COL6A3: variants seen among roughly 807,000 people sequenced by gnomAD.
The protein encoded by COL6A3 is collagen alpha-3(VI) chain.
COL6A3 carries 137 observed loss-of-function variants against 274.1 expected under a neutral mutation model. That is an observed-to-expected ratio of 0.50 (90% CI 0.44 to 0.58). COL6A3 has a LOEUF of 0.58. Ranked by LOEUF, COL6A3 falls within the 20% of genes least tolerant of loss-of-function variation. COL6A3 has a pLI of 0.00. For synonymous variants in COL6A3, 1,650 were observed against 1,650.6 expected (o/e 1.00, Z 0.01); for missense variants, 3,950 against 4,124.9 (o/e 0.96, Z 1.16).
In COL6A3 at chr2:237,336,661, A is replaced by G; in HGVS notation, c.8568-129T>C. The G allele has an allele frequency of 5.9e-6, 5 of 848,002 alleles. No homozygotes were observed. In the South Asian group the frequency reaches 6.9e-5, roughly 12 times the overall value. 52.5% of individuals were successfully genotyped at this position (848,002 alleles called of 1,614,324 possible). On this transcript the variant is annotated intron_variant, in intron 39 of 43. Coordinates refer to ENST00000295550, the MANE Select transcript of COL6A3 (RefSeq NM_004369.4). ...GCAATAGTTTTTATAGATTATGTAT[A>G]GCAGTGCATATATTAAATTCCTTCT... is the stretch of plus-strand genomic sequence containing the variant.
At position 237,388,169 on chromosome 2, in the gene COL6A3, T is replaced by C. The variant is rs769303411; in HGVS notation, c.725A>G (p.Asp242Gly). The C allele has an allele frequency of 1.2e-6, 2 of 1,614,078 alleles. No individual in the cohort carries two copies. Among genetic ancestry groups the C allele is most frequent in the Middle Eastern group, 1.6e-4 (1 of 6,062 alleles). The change falls in exon 4 of 44, where the codon GAC (aspartate) becomes GGC (glycine). Residue 242 changes from aspartate (D) to glycine (G), a missense_variant. By Grantham distance (94) the Asp-to-Gly change is moderately conservative. Coordinates refer to ENST00000295550, the MANE Select transcript of COL6A3 (RefSeq NM_004369.4). ...TGATCCATCAATAAGGAAAATAATG[T>C]CAGCAGAGTCTTGTGCTTTAAAAGA... is the stretch of plus-strand genomic sequence containing the variant. ...LKDITAQDSA[D>G]IIFLIDGSNN...
At chr2:237,409,127 C>T (rs1315716523) in intron 1 of COL6A3, among the ~76,000 whole-genome samples, 6 of 152,184 alleles carry the variant, frequency 3.9e-5, no homozygotes, top group Non-Finnish European at 8.8e-5. Context: ...TCTGAGCTCT[C>T]TTTCTTCATC....
intron 40 of COL6A3, among the ~76,000 whole-genome samples, chr2:237,335,188 G>A (rs962514919): frequency 3.3e-5 from 5 of 152,074 alleles, no homozygotes; most frequent in Admixed American, 1.3e-4. Context: ...CTAATCCTAA[G>A]TTGTGTTTGC....
Position 237,363,235 on chromosome 2 carries a change from G to A in COL6A3, c.6063+18C>T. The A allele has an allele frequency of 6.2e-7, 1 of 1,605,280 alleles. No individual in the cohort carries two copies. Among genetic ancestry groups the A allele is most frequent in the Non-Finnish European group, 8.5e-7 (1 of 1,176,646 alleles). On this transcript the variant is annotated intron_variant, in intron 14 of 43. Transcript: ENST00000295550. Reference sequence around the variant, plus strand: ...GTATCTACACTGGTCTGTGTATAAAGACATAAAAAAAACTCACAAGCTGCT... The same window carrying A: ...GTATCTACACTGGTCTGTGTATAAAAACATAAAAAAAACTCACAAGCTGCT...
At chr2:237,337,549 T>G (rs1331591908) in intron 39 of COL6A3, among the ~76,000 whole-genome samples, 1 of 152,208 alleles carries the variant, frequency 6.6e-6, no homozygotes, top group Non-Finnish European at 1.5e-5. Flanking sequence ...TTCCCCATCT[T>G]GAGAGTCAGC....
chr2:237,396,245 A>T (rs988274165), intron 2 of COL6A3, among the ~76,000 whole-genome samples: 3 of 152,206 alleles, frequency 2.0e-5, no homozygotes, highest in African/African-American at 7.2e-5. Flanking sequence ...TCGTTTTGGG[A>T]AACAGAAATC....
chr2:237,390,921 G>T (rs2078271053), intron 3 of COL6A3, among the ~76,000 whole-genome samples: 1 of 152,122 alleles, frequency 6.6e-6, no homozygotes, highest in Admixed American at 6.6e-5. Context: ...ATGACAGAGG[G>T]ATTTTTAAAA....
Position 237,365,793 on chromosome 2 carries a change from G to A in COL6A3, c.5743C>T (p.Arg1915Trp), listed in dbSNP as rs201938007. 1.0e-4 allele frequency: 161 copies of A among 1,614,056 alleles called. No homozygotes were observed. Among genetic ancestry groups the A allele is most frequent in the Admixed American group, 7.5e-4 (45 of 59,992 alleles). ...TAGGGGTGCTGGCTGCGCATGTTCCGGAACTTCTCGAGCATCTCTGGCTGG... is the reference window on the plus strand; with the variant it reads ...TAGGGGTGCTGGCTGCGCATGTTCCAGAACTTCTCGAGCATCTCTGGCTGG... The part of the protein sequence containing the change: ...EYQPEMLEKF[R>W]NMRSQHPYVL... Residue 1915 changes from arginine (R) to tryptophan (W), a missense_variant, in exon 12 of 44, where the codon CGG becomes TGG. Transcript: ENST00000295550.
chr2:237,381,343 G>A lies in COL6A3; in HGVS notation c.1469C>T (p.Ala490Val). 6.2e-7 allele frequency: 1 copy of A among 1,614,206 alleles called. No individual in the cohort carries two copies. Among genetic ancestry groups the A allele is most frequent in the Non-Finnish European group, 8.5e-7 (1 of 1,180,038 alleles). The change falls in exon 5 of 44, where the codon GCA becomes GTA. Residue 490 changes from alanine to valine, a missense_variant. Coordinates refer to ENST00000295550, the MANE Select transcript of COL6A3 (RefSeq NM_004369.4). Reference sequence around the variant, plus strand: ...ATAAAATTCAGGCCTCACAGTGTCTGCATACTGGGCCACTGCCACCTGGAT... The same window carrying A: ...ATAAAATTCAGGCCTCACAGTGTCTACATACTGGGCCACTGCCACCTGGAT... ...DLIQVAVAQY[A>V]DTVRPEFYFN... is the part of the protein sequence containing the mutation.
In COL6A3 at chr2:237,413,864, AC is replaced by A. The variant is rs2078915340; in HGVS notation, c.-31+88del. On this transcript the variant is annotated intron_variant, in intron 1 of 43. Transcript: ENST00000295550. The surrounding 1 kb of genome is among the most constrained non-coding windows in gnomAD (Gnocchi z 4.0). ...GGCGATCAGCATGAACGTAAGAGCC[AC>A]TAACGCTACCTAGAAAGGATCACTT... 1 of 152,300 alleles carries A rather than the reference AC, an allele frequency of 6.6e-6. No homozygotes were observed. The highest frequency in any genetic ancestry group is 1.5e-5 in the Non-Finnish European group (1 of 68,028). The allele number at this position is 152,300 out of a possible 1,614,324, so 9.4% of individuals were successfully genotyped here.
Position 237,407,398 on chromosome 2 carries a change from G to T in COL6A3, c.-31+6555C>A, listed in dbSNP as rs1008530796. Among the ~76,000 whole-genome samples, 2 of 152,244 alleles carry T rather than the reference G, an allele frequency of 1.3e-5. No homozygotes were observed. The highest frequency in any genetic ancestry group is 1.3e-4 in the Admixed American group (2 of 15,294). Reference sequence around the variant, plus strand: ...TTGTTAGATATGGAGTAGCGGATTCGAGATCTTCAACTCTTCCTGGTAAAA... The same window carrying T: ...TTGTTAGATATGGAGTAGCGGATTCTAGATCTTCAACTCTTCCTGGTAAAA... On this transcript the variant is annotated intron_variant, in intron 1 of 43. Transcript: ENST00000295550. This position sits in a 1 kb window ranked among gnomAD's most constrained non-coding sequence, Gnocchi z 4.3.
rs1040303188 is a variant in COL6A3, at chr2:237,358,954, T to C, written c.6408+81A>G. On this transcript the variant is annotated intron_variant, in intron 20 of 43. Transcript: ENST00000295550. ...GCCTGGAGGAAGCGGGCTTGATGTA[T>C]ATGAGGAAAGAAAATAACTATTCCC... The C allele has an allele frequency of 3.5e-5, 53 of 1,515,636 alleles. No individual in the cohort carries two copies. In the African/African-American group the frequency reaches 6.7e-4, roughly 19 times the overall value. The allele number at this position is 1,515,636 out of a possible 1,614,324, so 93.9% of individuals were successfully genotyped here.
chr2:237,349,852 G>A (rs915696538), intron 28 of COL6A3, among the ~76,000 whole-genome samples: 1 of 152,054 alleles, frequency 6.6e-6, no homozygotes, highest in Admixed American at 6.5e-5. Flanking sequence ...AAGCATTTGC[G>A]GGACCTAAGA....
In COL6A3 at chr2:237,371,671, G is replaced by A. The variant is rs768305791; in HGVS notation, c.4285+61C>T. On this transcript the variant is annotated intron_variant, in intron 9 of 43. Transcript: ENST00000295550. The surrounding 1 kb of genome is among the most constrained non-coding windows in gnomAD (Gnocchi z 4.3). ...ATTTATTATGAGTACCATGGCCTTTGAGCCTGTTATTTTTCATATGGAAAA... is the reference window on the plus strand; with the variant it reads ...ATTTATTATGAGTACCATGGCCTTTAAGCCTGTTATTTTTCATATGGAAAA... 5 of 1,529,758 alleles carry A rather than the reference G, an allele frequency of 3.3e-6. No homozygotes were observed. The Admixed American group carries it at 6.5e-5, about 20-fold the overall frequency. 94.8% of individuals were successfully genotyped at this position (1,529,758 alleles called of 1,614,324 possible).
At chr2:237,357,313 C>T in intron 23 of COL6A3, 25 bp downstream of exon 23, 1 of 1,609,960 alleles carries the variant, frequency 6.2e-7, no homozygotes, top group South Asian at 1.1e-5. Context: ...GTCACAGAGC[C>T]CCCCAAAGCC....
chr2:237,381,169 C>T lies in COL6A3; in HGVS notation c.1643G>A (p.Gly548Glu). The part of the protein sequence containing the change: ...TSSAGYRAAE[G>E]IPKLLVLITG... The stretch of plus-strand genomic sequence containing the variant: ...GATCAGCACCAAAAGCTTAGGAATC[C>T]CCTCGGCAGCCCGGTAGCCGGCTGA... Residue 548 changes from glycine to glutamate, a missense_variant, in exon 5 of 44, where the codon GGG becomes GAG. Physicochemically the swap from Gly to Glu is moderately conservative, Grantham distance 98. Transcript: ENST00000295550. 6.2e-7 allele frequency: 1 copy of T among 1,614,258 alleles called. No individual in the cohort carries two copies. Among genetic ancestry groups the T allele is most frequent in the Non-Finnish European group, 8.5e-7 (1 of 1,180,048 alleles).
intron 4 of COL6A3, among the ~76,000 whole-genome samples, chr2:237,383,331 A>G (rs1035921716): frequency 6.6e-6 from 1 of 152,252 alleles, no homozygotes; most frequent in East Asian, 1.9e-4. Flanking sequence ...CAATGTGTGC[A>G]GAACATCATT....
intron 16 of COL6A3, among the ~76,000 whole-genome samples, chr2:237,360,485 A>G (rs1056269392): frequency 6.6e-6 from 1 of 152,124 alleles, no homozygotes; most frequent in African/African-American, 2.4e-5. Context: ...CCGGGCTGAC[A>G]GCTCCTCCAA....
At chr2:237,375,250 G>C (rs1199204510) in intron 7 of COL6A3, among the ~76,000 whole-genome samples, 3 of 152,198 alleles carry the variant, frequency 2.0e-5, no homozygotes, top group African/African-American at 7.2e-5. Flanking sequence ...ATAAGAGGGG[G>C]TAAGAGGGTC....
Sources: allele counts gnomAD v4.1 joint callset (sites outside exome capture counted in the v4.1 genomes callset), GRCh38; gene constraint gnomAD v4.1.1; non-coding constraint Gnocchi (gnomAD v3.1); transcripts MANE v1.5; gene names NCBI Gene and HGNC (gene_info 2026-07-23, HGNC 2026-07-21).